MELTF: variants seen among roughly 807,000 people sequenced by gnomAD.
The protein encoded by MELTF is antigen p97 (melanoma associated) identified by monoclonal antibodies 133.2 and 96.5.
MELTF carries 67 observed loss-of-function variants against 83.7 expected under a neutral mutation model. That is an observed-to-expected ratio of 0.80 (90% confidence interval 0.66 to 0.98). The LOEUF (loss-of-function observed/expected upper bound fraction) is 0.98. Ranked by LOEUF, MELTF falls within the 50% of genes least tolerant of loss-of-function variation. The pLI is 0.00. For missense variants in MELTF, 1,002 were observed against 1,035.6 expected (o/e 0.97, Z 0.44); for synonymous variants, 462 against 447.6 (o/e 1.03, Z -0.41).
rs1015267291 is a variant in MELTF at position 197,024,220 on chromosome 3, G to A, written c.487+83C>T. On this transcript the variant is annotated intron_variant, in intron 4 of 15. Coordinates refer to ENST00000296350, the MANE Select transcript of MELTF (RefSeq NM_005929.6). This position sits in a 1 kb window ranked among gnomAD's most constrained non-coding sequence, Gnocchi z 5.3. ...AAGAATGGTGGCGAGGCCGGAGGGAGGCTACCCAGTGAAGGGACGAGCATG... is the reference window on the plus strand; with the variant it reads ...AAGAATGGTGGCGAGGCCGGAGGGAAGCTACCCAGTGAAGGGACGAGCATG... 1.3e-4 allele frequency: 179 copies of A among 1,414,240 alleles called. No individual in the cohort carries two copies. The highest frequency in any genetic ancestry group is 1.6e-4 in the Non-Finnish European group (169 of 1,044,040). The allele number at this position is 1,414,240 out of a possible 1,614,324, so 87.6% of individuals were successfully genotyped here.
At chr3:197,025,147 C>T (rs1362414768) in intron 3 of MELTF, among the ~76,000 whole-genome samples, 2 of 152,258 alleles carry the variant, frequency 1.3e-5, no homozygotes, top group Non-Finnish European at 2.9e-5. Context: ...TCAGGCAAAA[C>T]ACAGACTCAG....
chr3:197,015,389 G>T lies in MELTF; in HGVS notation c.1209C>A (p.Pro403=). The T allele has an allele frequency of 1.9e-6, 3 of 1,574,566 alleles. No homozygotes were observed. Among genetic ancestry groups the T allele is most frequent in the East Asian group, 2.4e-5 (1 of 42,342 alleles). ...PEIQCVSAKS[P]QHCMERIQAE... is the part of the protein sequence containing the mutation. ...CCTGGATCCGCTCCATGCAGTGTTG[G>T]GGGGACTTGGCTGACACGCACTGGA... Residue 403 remains proline (P), a synonymous_variant, in exon 9 of 16, where the codon CCC becomes CCA. Transcript: ENST00000296350.
At position 197,029,358 on chromosome 3, in the gene MELTF, G is replaced by T. The variant is rs1325724043; in HGVS notation, c.49+296C>A. ...CGTCGGGAGGGGCCGCCCTCCGGGA[G>T]CTCCTCTCCACACCCCGAGGCCTCC... On this transcript the variant is annotated intron_variant, in intron 1 of 15. Transcript: ENST00000296350. The surrounding 1 kb of genome is among the most constrained non-coding windows in gnomAD (Gnocchi z 6.5). The T allele has an allele frequency of 1.7e-5, 6 of 349,100 alleles. No individual in the cohort carries two copies. The highest frequency in any genetic ancestry group is 3.1e-5 in the Non-Finnish European group (6 of 194,534). 21.6% of individuals were successfully genotyped at this position (349,100 alleles called of 1,614,324 possible). A position where few individuals can be genotyped will look rare whatever the true frequency, so the allele number is the denominator to read the frequency against.
intron 1 of MELTF, chr3:197,028,269 A>G (rs1377306501): frequency 1.3e-5 from 3 of 223,470 alleles, no homozygotes; most frequent in Non-Finnish European, 2.7e-5. Flanking sequence ...TCCCCTCTCC[A>G]GGCCTCCCGA....
In MELTF at chr3:197,024,054, C is replaced by T; in HGVS notation, c.487+249G>A. The T allele has an allele frequency of 1.6e-6, 1 of 638,906 alleles. No individual in the cohort carries two copies. Among genetic ancestry groups the T allele is most frequent in the Non-Finnish European group, 2.9e-6 (1 of 347,242 alleles). The allele number at this position is 638,906 out of a possible 1,614,324, so 39.6% of individuals were successfully genotyped here. On this transcript the variant is annotated intron_variant, in intron 4 of 15. Transcript: ENST00000296350. This position sits in a 1 kb window ranked among gnomAD's most constrained non-coding sequence, Gnocchi z 5.3. The stretch of plus-strand genomic sequence containing the variant: ...GGGCTGGGCCTGTGCCTGGCTGTGC[C>T]ATGTGGGACACCACGATGCGTGAGC...
chr3:197,010,877 C>G (rs1719165452), intron 9 of MELTF, 83 bp from the exon 10 acceptor site: 3 of 1,284,978 alleles, frequency 2.3e-6, no homozygotes, highest in Non-Finnish European at 3.3e-6. Context: ...GTGGCAGGGC[C>G]TGGTCTCTTG....
At chr3:197,019,108 A>C (rs1719517822) in intron 6 of MELTF, 1 of 985,730 alleles carries the variant, frequency 1.0e-6, no homozygotes, top group Non-Finnish European at 1.2e-6. Flanking sequence ...GTGATCGTTT[A>C]GGAAAACTCC....
chr3:197,015,925 G>A (rs560591260), intron 8 of MELTF, among the ~76,000 whole-genome samples: 1 of 152,130 alleles, frequency 6.6e-6, no homozygotes, highest in South Asian at 2.1e-4. Context: ...TGGATGGGGG[G>A]GCGAGGAGAC....
chr3:197,003,778 G>T lies in MELTF; in HGVS notation c.2137+123C>A. 9.5e-7 allele frequency: 1 copy of T among 1,049,206 alleles called. No homozygotes were observed. The highest frequency in any genetic ancestry group is 1.4e-6 in the Non-Finnish European group (1 of 730,354). 65.0% of individuals were successfully genotyped at this position (1,049,206 alleles called of 1,614,324 possible). ...AAAATCCTCCCGGGACACCCCACCT[G>T]GACTGCTGCGAACGGGCCTCCACCC... On this transcript the variant is annotated intron_variant, in intron 15 of 15. Transcript: ENST00000296350. The surrounding 1 kb of genome is among the most constrained non-coding windows in gnomAD (Gnocchi z 6.2).
rs1719195310 is a variant in MELTF at position 197,011,757 on chromosome 3, G to A, written c.1234-963C>T. Among the ~76,000 whole-genome samples, 1 of 152,156 alleles carries A rather than the reference G, an allele frequency of 6.6e-6. No individual in the cohort carries two copies. The highest frequency in any genetic ancestry group is 1.5e-5 in the Non-Finnish European group (1 of 68,018). ...CCTGGGTAACTGGCAGGGCAGGAAT[G>A]GGTGTTACAGCCACACTGGACTCCT... On this transcript the variant is annotated intron_variant, in intron 9 of 15. Coordinates refer to ENST00000296350, the MANE Select transcript of MELTF (RefSeq NM_005929.6). This position sits in a 1 kb window ranked among gnomAD's most constrained non-coding sequence, Gnocchi z 4.2.
rs866245132 is a variant in MELTF, at chr3:197,003,324, G to A, written c.*48C>T. ...CTGGATTCCAGCGCGAAGCCGCCGC[G>A]GAAACTCCCCGGGCGGGCATCGGAG... is the stretch of plus-strand genomic sequence containing the variant. On this transcript the variant is annotated 3_prime_UTR_variant, in exon 16 of 16. Coordinates refer to ENST00000296350, the MANE Select transcript of MELTF (RefSeq NM_005929.6). This position sits in a 1 kb window ranked among gnomAD's most constrained non-coding sequence, Gnocchi z 6.2. The A allele has an allele frequency of 8.5e-4, 889 of 1,045,466 alleles. 3 individuals carry two copies. The African/African-American group carries it at 0.014, about 16-fold the overall frequency. The allele number at this position is 1,045,466 out of a possible 1,614,324, so 64.8% of individuals were successfully genotyped here.
intron 1 of MELTF, 40 bp from the exon 2 acceptor site, chr3:197,027,950 G>T: frequency 6.6e-7 from 1 of 1,522,480 alleles, no homozygotes; most frequent in Non-Finnish European, 8.8e-7. Flanking sequence ...CCCCCGCCCT[G>T]CCCAGCCCCG....
chr3:197,019,762 T>C (rs1719546256), intron 6 of MELTF: 42 of 1,596,910 alleles, frequency 2.6e-5, no homozygotes, highest in Non-Finnish European at 3.3e-5. Flanking sequence ...GCCTTCTTCC[T>C]CCTCAGATCT....
At chr3:197,021,780 G>A (rs1286483721) in intron 5 of MELTF, among the ~76,000 whole-genome samples, 1 of 152,200 alleles carries the variant, frequency 6.6e-6, no homozygotes, top group African/African-American at 2.4e-5. Flanking sequence ...TAGGGAGCAG[G>A]CACTCCCAGG....
rs974611170 is a variant in MELTF, at chr3:197,023,029, C to T, written c.572G>A (p.Gly191Asp). 1.9e-6 allele frequency: 3 copies of T among 1,613,840 alleles called. No individual in the cohort carries two copies. The highest frequency in any genetic ancestry group is 8.5e-7 in the Non-Finnish European group (1 of 1,180,020). ...ACACACCCCTTCCCCAGAGCTGTCA[C>T]CCCTGCAGAGGCGACAGAGGGACTC... ...YSESLCRLCR[G>D]DSSGEGVCDK... Residue 191 changes from glycine to aspartate, a missense_variant, in exon 5 of 16, where the codon GGT becomes GAT. Transcript: ENST00000296350.
In MELTF at chr3:197,003,193, G is replaced by A. The variant is rs1184785747; in HGVS notation, c.*179C>T. 3.2e-6 allele frequency: 2 copies of A among 623,862 alleles called. No individual in the cohort carries two copies. The highest frequency in any genetic ancestry group is 2.0e-5 in the African/African-American group (1 of 50,048). 38.6% of individuals were successfully genotyped at this position (623,862 alleles called of 1,614,324 possible). ...GGCGGGAAGGGCCGCGCGGGCCCGG[G>A]GGCGGCGCCTCAGGTAGCAGCGCCA... On this transcript the variant is annotated 3_prime_UTR_variant, in exon 16 of 16. Coordinates refer to ENST00000296350, the MANE Select transcript of MELTF (RefSeq NM_005929.6). This position sits in a 1 kb window ranked among gnomAD's most constrained non-coding sequence, Gnocchi z 6.2.
chr3:197,019,574 A>G, intron 6 of MELTF: 1 of 1,581,132 alleles, frequency 6.3e-7, no homozygotes. Context: ...CCCCATCTCA[A>G]AAAAAACCCC....
rs777949983 is a variant in MELTF, at chr3:197,008,837, G to A, written c.1654C>T (p.Arg552Trp). The A allele has an allele frequency of 6.8e-6, 11 of 1,614,144 alleles. No homozygotes were observed. The East Asian group carries it at 1.1e-4, about 16-fold the overall frequency. ...AAGGCGCCGCGGTAGCCGTAATACCGCTCCTGGCTGTTGCCCACACACTTG... is the reference window on the plus strand; with the variant it reads ...AAGGCGCCGCGGTAGCCGTAATACCACTCCTGGCTGTTGCCCACACACTTG... ...RNKCVGNSQE[R>W]YYGYRGAFRC... The change falls in exon 12 of 16, where the codon CGG becomes TGG. Residue 552 changes from arginine (R) to tryptophan (W), a missense_variant. By Grantham distance (101) the Arg-to-Trp change is moderately radical. Transcript: ENST00000296350. This position sits in a 1 kb window ranked among gnomAD's most constrained non-coding sequence, Gnocchi z 5.4.
At chr3:197,012,396 C>T (rs943127174) in intron 9 of MELTF, among the ~76,000 whole-genome samples, 1 of 152,396 alleles carries the variant, frequency 6.6e-6, no homozygotes, top group African/African-American at 2.4e-5. Flanking sequence ...ATGATCCACA[C>T]AATGGCCCTC....
Sources: gnomAD v4.1 joint callset for allele counts (sites outside exome capture counted in the v4.1 genomes callset) on GRCh38, gnomAD v4.1.1 for gene constraint, Gnocchi (gnomAD v3.1) non-coding constraint, MANE v1.5 for transcripts, NCBI Gene and HGNC (gene_info 2026-07-23, HGNC 2026-07-21) for gene names.